PDE3A: variants seen among roughly 807,000 people sequenced by gnomAD.
The protein encoded by PDE3A is phosphodiesterase 3A.
PDE3A carries 43 observed loss-of-function variants against 98.3 expected under a neutral mutation model. That is an observed-to-expected ratio of 0.44 (90% CI 0.34 to 0.56). The LOEUF is 0.56. Ranked by LOEUF, PDE3A falls within the 20% of genes least tolerant of loss-of-function variation. The pLI, the probability that PDE3A is intolerant of heterozygous loss-of-function variation, is 0.01. For missense variants in PDE3A, 1,427 were observed against 1,440.7 expected, an observed-to-expected ratio of 0.99 and a Z score of 0.15; for synonymous variants, 663 against 567.9, an observed-to-expected ratio of 1.17 and a Z score of -2.38.
At position 20,670,782 on chromosome 12, in the gene PDE3A, A is replaced by G. The variant is rs1251383581; in HGVS notation, c.3185-9248A>G. ...AAATTGACACCCTAACATCACAATT[A>G]AAAGAACTAGAAAAGCAAGAGCAAA... On this transcript the variant is annotated intron_variant, in intron 15 of 15. Coordinates refer to ENST00000359062, the MANE Select transcript of PDE3A (RefSeq NM_000921.5). 2.4e-3 allele frequency among the ~76,000 whole-genome samples: 335 copies of G among 136,998 alleles called. 1 individual carries two copies. Among genetic ancestry groups the G allele is most frequent in the African/African-American group, 9.5e-3 (322 of 33,834 alleles). The allele number at this position is 136,998 out of a possible 152,430, so 89.9% of individuals were successfully genotyped here. A position where few individuals can be genotyped will look rare whatever the true frequency, so the allele number is the denominator to read the frequency against.
chr12:20,490,059 C>A (rs555516735), intron 1 of PDE3A, among the ~76,000 whole-genome samples: 1 of 152,124 alleles, frequency 6.6e-6, no homozygotes, highest in Admixed American at 6.5e-5. Flanking sequence ...CTAGATTCAT[C>A]TTTTAGGAAA....
intron 15 of PDE3A, among the ~76,000 whole-genome samples, chr12:20,673,286 G>A (rs1182265442): frequency 1.3e-5 from 2 of 151,108 alleles, no homozygotes; most frequent in East Asian, 4.0e-4. Flanking sequence ...GTGGAAGTCA[G>A]TGTGGCGATT....
chr12:20,573,958 C>T (rs996458174), intron 2 of PDE3A, among the ~76,000 whole-genome samples: 46 of 152,126 alleles, frequency 3.0e-4, no homozygotes, highest in African/African-American at 1.1e-3. Flanking sequence ...TTTCAGCCCA[C>T]GGAAATATAG....
intron 15 of PDE3A, among the ~76,000 whole-genome samples, chr12:20,675,016 A>G (rs1420938306): frequency 6.6e-6 from 1 of 151,658 alleles, no homozygotes; most frequent in Non-Finnish European, 1.5e-5. Context: ...AAGTTCCTTG[A>G]GGTGCATTAT....
At chr12:20,661,158 C>G (rs1945161153) in intron 15 of PDE3A, among the ~76,000 whole-genome samples, 1 of 152,130 alleles carries the variant, frequency 6.6e-6, no homozygotes, top group African/African-American at 2.4e-5. Flanking sequence ...AAGAGACTGG[C>G]AGCATTATCC....
chr12:20,380,655 C>A (rs1215278006), intron 1 of PDE3A, among the ~76,000 whole-genome samples: 1 of 151,636 alleles, frequency 6.6e-6, no homozygotes, highest in Admixed American at 6.6e-5. Flanking sequence ...TGATTTCGAA[C>A]CTTATGGTGT....
intron 1 of PDE3A, among the ~76,000 whole-genome samples, chr12:20,493,597 T>C (rs1472867622): frequency 6.6e-6 from 1 of 151,956 alleles, no homozygotes; most frequent in Non-Finnish European, 1.5e-5. Context: ...TCTCTCTCTC[T>C]CCACACATTC....
At chr12:20,476,442 T>C (rs1423843377) in intron 1 of PDE3A, among the ~76,000 whole-genome samples, 3 of 152,188 alleles carry the variant, frequency 2.0e-5, no homozygotes, top group Non-Finnish European at 2.9e-5. Context: ...GAATGGCATA[T>C]AAAAAATGAT....
intron 2 of PDE3A, among the ~76,000 whole-genome samples, chr12:20,582,332 A>G (rs993692733): frequency 6.6e-6 from 1 of 152,102 alleles, no homozygotes; most frequent in African/African-American, 2.4e-5. Flanking sequence ...CTGGGAATAC[A>G]GGCATGCACC....
chr12:20,671,076 C>A (rs371211852), intron 15 of PDE3A, among the ~76,000 whole-genome samples: 2 of 126,746 alleles, frequency 1.6e-5, no homozygotes, highest in Non-Finnish European at 3.2e-5. Context: ...AACACCTCTA[C>A]GCAAATAAAC....
chr12:20,425,525 G>C (rs1249560784), intron 1 of PDE3A, among the ~76,000 whole-genome samples: 1 of 152,126 alleles, frequency 6.6e-6, no homozygotes, highest in Non-Finnish European at 1.5e-5. Flanking sequence ...TATTTAAAAA[G>C]AGCTAGCACT....
Position 20,369,237 on chromosome 12 carries a change from G to A in PDE3A, c.-48G>A. On this transcript the variant is annotated 5_prime_UTR_variant, in exon 1 of 16. Transcript: ENST00000359062. ...CGCGCGCGCGCGTGGGTCGGGGCGG[G>A]GGCGTCGGGGGGCCACTGGGAATTC... 7.1e-7 allele frequency: 1 copy of A among 1,410,336 alleles called. No homozygotes were observed. 87.4% of individuals were successfully genotyped at this position (1,410,336 alleles called of 1,614,324 possible).
At chr12:20,614,871 A>G (rs1207728513) in intron 3 of PDE3A, among the ~76,000 whole-genome samples, 1 of 152,116 alleles carries the variant, frequency 6.6e-6, no homozygotes, top group African/African-American at 2.4e-5. Flanking sequence ...TTTGTGAACT[A>G]TGCCTATGTG....
At chr12:20,406,756 G>A (rs1036456307) in intron 1 of PDE3A, among the ~76,000 whole-genome samples, 2 of 151,878 alleles carry the variant, frequency 1.3e-5, no homozygotes, top group Non-Finnish European at 2.9e-5. Context: ...CTATGCTTTC[G>A]GTGTCATACC....
chr12:20,369,190 C>CGTGCGTGTGTGTGT lies in PDE3A; in HGVS notation c.-92_-91insCGTGTGTGTGTGTG. 1.5e-6 allele frequency: 1 copy of CGTGCGTGTGTGTGT among 653,230 alleles called. No homozygotes were observed. The highest frequency in any genetic ancestry group is 2.5e-6 in the Non-Finnish European group (1 of 405,814). The allele number at this position is 653,230 out of a possible 1,614,324, so 40.5% of individuals were successfully genotyped here. A position where few individuals can be genotyped will look rare whatever the true frequency, so the allele number is the denominator to read the frequency against. On this transcript the variant is annotated 5_prime_UTR_variant, in exon 1 of 16. Coordinates refer to ENST00000359062, the MANE Select transcript of PDE3A (RefSeq NM_000921.5). ...GGTGGAATTGGGAAGAGCGTGCGTG[C>CGTGCGTGTGTGTGT]GTGTGTGTGTGTGTGTGTGTGCGCG...
At chr12:20,623,998 A>G (rs186970922) in intron 5 of PDE3A, among the ~76,000 whole-genome samples, 1 of 152,260 alleles carries the variant, frequency 6.6e-6, no homozygotes, top group South Asian at 2.1e-4. Context: ...AAAATTTCAG[A>G]CAGTAATAAT....
At chr12:20,489,952 G>A (rs747827042) in intron 1 of PDE3A, among the ~76,000 whole-genome samples, 2 of 152,198 alleles carry the variant, frequency 1.3e-5, no homozygotes, top group African/African-American at 4.8e-5. Flanking sequence ...TCATTCATTA[G>A]TAAATCCTTG....
At chr12:20,536,158 C>T (rs181863031) in intron 1 of PDE3A, among the ~76,000 whole-genome samples, 3 of 152,222 alleles carry the variant, frequency 2.0e-5, no homozygotes, top group African/African-American at 7.2e-5. Context: ...CTTATCACTT[C>T]TATTAGAAAT....
At chr12:20,565,865 C>T (rs1271589369) in intron 2 of PDE3A, among the ~76,000 whole-genome samples, 1 of 151,768 alleles carries the variant, frequency 6.6e-6, no homozygotes, top group Non-Finnish European at 1.5e-5. Context: ...TCTTTACAGC[C>T]ACTCTAGGGA....
Sources: gnomAD v4.1 joint callset for allele counts (sites outside exome capture counted in the v4.1 genomes callset) on GRCh38, gnomAD v4.1.1 for gene constraint, MANE v1.5 for transcripts, NCBI Gene and HGNC (gene_info 2026-07-23, HGNC 2026-07-21) for gene names.